The following EEA1 variants were observed in gnomAD, a reference collection of about 807,000 sequenced individuals.
EEA1 encodes the protein early endosome antigen 1.
EEA1 carries 111 observed loss-of-function variants against 209.2 expected under a neutral mutation model. That is an observed-to-expected ratio of 0.53 (90% CI 0.45 to 0.62). EEA1 has a LOEUF of 0.62. Ranked by LOEUF, EEA1 falls within the 20% of genes least tolerant of loss-of-function variation. EEA1 has a pLI of 0.00. For synonymous variants in EEA1, 536 were observed against 540.6 expected, an observed-to-expected ratio of 0.99 and a Z score of 0.12; for missense variants, 1,343 against 1,530.8, an observed-to-expected ratio of 0.88 and a Z score of 2.05.
At chr12:92,847,073 C>T (rs1877414827) in intron 9 of EEA1, among the ~76,000 whole-genome samples, 1 of 152,160 alleles carries the variant, frequency 6.6e-6, no homozygotes, top group Admixed American at 6.5e-5. Context: ...CTGCCTCAGC[C>T]TCCCAAGTAG....
intron 1 of EEA1, among the ~76,000 whole-genome samples, chr12:92,906,743 G>A (rs556830845): frequency 1.3e-3 from 201 of 152,196 alleles, no homozygotes; most frequent in Non-Finnish European, 2.0e-3. Flanking sequence ...GAACCCAGGA[G>A]GTGGAGCTTG....
chr12:92,864,229 T>C (rs1878275078), intron 3 of EEA1, among the ~76,000 whole-genome samples: 1 of 152,042 alleles, frequency 6.6e-6, no homozygotes, highest in Non-Finnish European at 1.5e-5. Context: ...ACCAGTAAGT[T>C]TTTTTTTAGG....
chr12:92,842,939 C>G (rs143054886), intron 9 of EEA1, among the ~76,000 whole-genome samples: 109 of 152,278 alleles, frequency 7.2e-4, no homozygotes, highest in Middle Eastern at 6.8e-3. Context: ...TACATTTCCT[C>G]CCAACTTCTA....
intron 22 of EEA1, among the ~76,000 whole-genome samples, chr12:92,784,938 A>T (rs1303546922): frequency 6.6e-6 from 1 of 151,212 alleles, no homozygotes; most frequent in Non-Finnish European, 1.5e-5. Flanking sequence ...TGCCAATCAC[A>T]TTATAGCACC....
chr12:92,853,927 C>A lies in EEA1; in HGVS notation c.394G>T (p.Asp132Tyr). Residue 132 changes from aspartate (D) to tyrosine (Y), a missense_variant, in exon 6 of 29, where the codon GAT (aspartate) becomes TAT (tyrosine). By Grantham distance (160) the Asp-to-Tyr change is radical (BLOSUM62 -3). Around this residue, in one of 3 missense-constraint regions of EEA1, gnomAD observed 1,307 missense variants for 1,465.5 expected, o/e 0.89. Transcript: ENST00000322349. ...QEAKPDGLVT[D>Y]SSAELQSLEQ... ...TAAGTAAAGTTACCTGCTGATGAAT[C>A]AGTCACCAACCCATCAGGTTTGGCC... The A allele has an allele frequency of 1.2e-6, 2 of 1,600,160 alleles. No homozygotes were observed. The highest frequency in any genetic ancestry group is 2.3e-5 in the South Asian group (2 of 87,968).
intron 2 of EEA1, among the ~76,000 whole-genome samples, chr12:92,867,468 A>G (rs59440923): frequency 3.9e-5 from 6 of 152,298 alleles, no homozygotes; most frequent in African/African-American, 1.4e-4. Context: ...TGGCCAAAAA[A>G]AAGAAGATCT....
intron 1 of EEA1, among the ~76,000 whole-genome samples, chr12:92,911,010 T>C (rs993830577): frequency 2.0e-5 from 3 of 152,078 alleles, no homozygotes; most frequent in African/African-American, 4.8e-5. Context: ...TGTGGAGAAA[T>C]AGGAACAGGA....
rs901613656 is a variant in EEA1, at chr12:92,929,288, G to A, written c.-222C>T. On this transcript the variant is annotated 5_prime_UTR_variant, in exon 1 of 29. Coordinates refer to ENST00000322349, the MANE Select transcript of EEA1 (RefSeq NM_003566.4). ...GAGCGAACGACTAGGCAGCCTGCGA[G>A]CGCCTCCAGCCCGCCCGCCGGGCAG... 2 of 355,228 alleles carry A rather than the reference G, an allele frequency of 5.6e-6. No individual in the cohort carries two copies. Among genetic ancestry groups the A allele is most frequent in the Non-Finnish European group, 1.0e-5 (2 of 197,614 alleles). 22.0% of individuals were successfully genotyped at this position (355,228 alleles called of 1,614,324 possible). A position where few individuals can be genotyped will look rare whatever the true frequency, so the allele number is the denominator to read the frequency against.
At chr12:92,911,112 A>G (rs978628162) in intron 1 of EEA1, among the ~76,000 whole-genome samples, 1 of 150,402 alleles carries the variant, frequency 6.6e-6, no homozygotes, top group Non-Finnish European at 1.5e-5. Flanking sequence ...TTACTATACA[A>G]TTCAGTAATC....
intron 1 of EEA1, among the ~76,000 whole-genome samples, chr12:92,899,200 T>C (rs1212337140): frequency 6.6e-6 from 1 of 151,354 alleles, no homozygotes; most frequent in Non-Finnish European, 1.5e-5. Flanking sequence ...CAGGAGACAG[T>C]ACCCACTACC....
At chr12:92,834,134 A>G (rs1266502521) in intron 10 of EEA1, among the ~76,000 whole-genome samples, 2 of 152,134 alleles carry the variant, frequency 1.3e-5, no homozygotes, top group African/African-American at 4.8e-5. Flanking sequence ...GTTCCCCAAC[A>G]TGGGAAACGC....
intron 1 of EEA1, among the ~76,000 whole-genome samples, chr12:92,895,219 G>A (rs1287060762): frequency 3.8e-5 from 5 of 133,218 alleles, no homozygotes; most frequent in Admixed American, 8.4e-5. Context: ...GCAGTGGCCC[G>A]ATCTCAGCTC....
intron 2 of EEA1, among the ~76,000 whole-genome samples, chr12:92,887,982 G>C (rs1879483994): frequency 6.6e-6 from 1 of 151,804 alleles, no homozygotes; most frequent in Non-Finnish European, 1.5e-5. Flanking sequence ...GAAAGAAAGA[G>C]ACTAGAACAG....
chr12:92,889,646 C>G (rs974711763), intron 2 of EEA1, among the ~76,000 whole-genome samples: 1 of 152,066 alleles, frequency 6.6e-6, no homozygotes, highest in African/African-American at 2.4e-5. Flanking sequence ...TGCCTCTAAT[C>G]CCAACACTTT....
chr12:92,785,445 T>C (rs1287809012), intron 22 of EEA1, among the ~76,000 whole-genome samples: 1 of 152,138 alleles, frequency 6.6e-6, no homozygotes, highest in African/African-American at 2.4e-5. Flanking sequence ...CTCTCTCTTA[T>C]ACACAAGACC....
At chr12:92,791,533 T>C (rs1874403520) in intron 21 of EEA1, among the ~76,000 whole-genome samples, 1 of 152,166 alleles carries the variant, frequency 6.6e-6, no homozygotes, top group Non-Finnish European at 1.5e-5. Flanking sequence ...AAAGAGGCCA[T>C]TACATAATGT....
intron 21 of EEA1, among the ~76,000 whole-genome samples, chr12:92,790,649 G>A (rs1475343271): frequency 6.6e-6 from 1 of 152,182 alleles, no homozygotes; most frequent in East Asian, 1.9e-4. Flanking sequence ...ACATTTGATT[G>A]GTGTACCTGA....
chr12:92,911,328 A>G (rs899013997), intron 1 of EEA1, among the ~76,000 whole-genome samples: 1 of 152,240 alleles, frequency 6.6e-6, no homozygotes, highest in African/African-American at 2.4e-5. Context: ...CCATGAAGAC[A>G]ATGAAGAAAC....
chr12:92,855,571 G>A (rs1877843364), intron 5 of EEA1, among the ~76,000 whole-genome samples: 1 of 150,926 alleles, frequency 6.6e-6, no homozygotes, highest in Non-Finnish European at 1.5e-5. Flanking sequence ...TTTGTCACAT[G>A]TATTAGGAAC....
Sources: gnomAD v4.1 joint callset for allele counts (sites outside exome capture counted in the v4.1 genomes callset) on GRCh38, gnomAD v4.1.1 for gene constraint, gnomAD v4.1.1 regional missense constraint, MANE v1.5 for transcripts, NCBI Gene and HGNC (gene_info 2026-07-23, HGNC 2026-07-21) for gene names.